FUCA2: variants seen among roughly 807,000 people sequenced by gnomAD.
The protein encoded by FUCA2 is alpha-L-fucosidase 2.
In FUCA2, 41 loss-of-function variants were observed where a neutral mutation model predicts 52.6. The ratio of observed to expected loss-of-function variants is 0.78; its 90% CI spans 0.61 to 1.01. The LOEUF (loss-of-function observed/expected upper bound fraction) is 1.01. FUCA2 is among the 50% of genes least tolerant of loss of function. FUCA2 has a pLI of 0.00. For missense variants in FUCA2, 507 were observed against 569.5 expected, an observed-to-expected ratio of 0.89 and a Z score of 1.12; for synonymous variants, 211 against 217.3, an observed-to-expected ratio of 0.97 and a Z score of 0.26.
Position 143,497,399 on chromosome 6 carries a change from C to G in FUCA2, c.1253G>C (p.Gly418Ala). Residue 418 changes from glycine (G) to alanine (A), a missense_variant, in exon 6 of 7, where the codon GGG becomes GCG. Coordinates refer to ENST00000002165, the MANE Select transcript of FUCA2 (RefSeq NM_032020.5). This position sits in a 1 kb window ranked among gnomAD's most constrained non-coding sequence, Gnocchi z 5.3. ...LFLGHPKAIL[G>A]ATEVKLLGHG... The stretch of plus-strand genomic sequence containing the variant: ...AAAATTCCCTCTTACCTCTGTTGCC[C>G]CCAGAATAGCTTTGGGATGGCCAAG... The G allele has an allele frequency of 6.2e-7, 1 of 1,609,068 alleles. No homozygotes were observed. The highest frequency in any genetic ancestry group is 8.5e-7 in the Non-Finnish European group (1 of 1,175,472).
intron 5 of FUCA2, among the ~76,000 whole-genome samples, chr6:143,498,019 C>T (rs1274463801): frequency 4.0e-5 from 6 of 151,838 alleles, no homozygotes; most frequent in African/African-American, 1.5e-4. Context: ...CTGATAAGCA[C>T]CATGAAAGAA....
rs1204927421 is a variant in FUCA2 at position 143,504,779 on chromosome 6, T to C, written c.413-527A>G. 1 of 152,722 alleles carries C rather than the reference T, an allele frequency of 6.5e-6. No homozygotes were observed. Among genetic ancestry groups the C allele is most frequent in the Non-Finnish European group, 1.5e-5 (1 of 68,412 alleles). The allele number at this position is 152,722 out of a possible 1,614,324, so 9.5% of individuals were successfully genotyped here. On this transcript the variant is annotated intron_variant, in intron 2 of 6. Coordinates refer to ENST00000002165, the MANE Select transcript of FUCA2 (RefSeq NM_032020.5). This position sits in a 1 kb window ranked among gnomAD's most constrained non-coding sequence, Gnocchi z 4.4. ...AGTTTTAGGATTGTTTATTTTATTA[T>C]AGTGTGATTCTTAGAACACTGGTGA...
At chr6:143,508,818 A>T (rs192621398) in intron 1 of FUCA2, among the ~76,000 whole-genome samples, 35 of 152,368 alleles carry the variant, frequency 2.3e-4, no homozygotes, top group Admixed American at 1.5e-3. Context: ...GTGAGATAAC[A>T]AGCCCCTATC....
Position 143,500,218 on chromosome 6 carries a change from C to T in FUCA2, c.1154+1714G>A, listed in dbSNP as rs1357715472. 3.9e-5 allele frequency among the ~76,000 whole-genome samples: 6 copies of T among 151,968 alleles called. No homozygotes were observed. Among genetic ancestry groups the T allele is most frequent in the African/African-American group, 1.5e-4 (6 of 41,350 alleles). On this transcript the variant is annotated intron_variant, in intron 5 of 6. Transcript: ENST00000002165. This position sits in a 1 kb window ranked among gnomAD's most constrained non-coding sequence, Gnocchi z 6.9. ...ATAGATTAGTTACAGTGATGGGCCA[C>T]AGAATCTGTCCCGGATAAGGAAAAA...
chr6:143,511,654 G>C lies in FUCA2; in HGVS notation c.-20C>G, dbSNP rs918482279. 2 of 1,487,246 alleles carry C rather than the reference G, an allele frequency of 1.3e-6. No homozygotes were observed. Among genetic ancestry groups the C allele is most frequent in the African/African-American group, 2.8e-5 (2 of 70,898 alleles). The allele number at this position is 1,487,246 out of a possible 1,614,324, so 92.1% of individuals were successfully genotyped here. A position where few individuals can be genotyped will look rare whatever the true frequency, so the allele number is the denominator to read the frequency against. On this transcript the variant is annotated 5_prime_UTR_variant, in exon 1 of 7. Transcript: ENST00000002165. The surrounding 1 kb of genome is among the most constrained non-coding windows in gnomAD (Gnocchi z 6.3). ...CCGCATGTCCCGGCGCAGGCCGGCT[G>C]TCCTCTCTGCAGGCTCCCGCGGCCT...
rs1334978143 is a variant in FUCA2 at position 143,502,325 on chromosome 6, T to C, written c.963+30A>G. The C allele has an allele frequency of 1.9e-6, 3 of 1,595,384 alleles. No individual in the cohort carries two copies. Among genetic ancestry groups the C allele is most frequent in the Non-Finnish European group, 2.6e-6 (3 of 1,165,460 alleles). On this transcript the variant is annotated intron_variant, in intron 4 of 6. Coordinates refer to ENST00000002165, the MANE Select transcript of FUCA2 (RefSeq NM_032020.5). The surrounding 1 kb of genome is among the most constrained non-coding windows in gnomAD (Gnocchi z 4.1). ...CATGACCACACTATTAAGAATATTA[T>C]GTTAATAGCCACCAGACATTTCACT...
Position 143,507,514 on chromosome 6 carries a change from C to A in FUCA2, c.225-90G>T, listed in dbSNP as rs887499631. The A allele has an allele frequency of 3.1e-5, 28 of 898,702 alleles. No homozygotes were observed. Among genetic ancestry groups the A allele is most frequent in the Non-Finnish European group, 4.3e-5 (26 of 604,496 alleles). 55.7% of individuals were successfully genotyped at this position (898,702 alleles called of 1,614,324 possible). A position where few individuals can be genotyped will look rare whatever the true frequency, so the allele number is the denominator to read the frequency against. On this transcript the variant is annotated intron_variant, in intron 1 of 6. Transcript: ENST00000002165. The surrounding 1 kb of genome is among the most constrained non-coding windows in gnomAD (Gnocchi z 4.5). ...AGCTCCCCTTACCATTTACCCCTCA[C>A]ACAGATAGGACCCAGATTCTCTTTC... is the stretch of plus-strand genomic sequence containing the variant.
chr6:143,495,804 A>C lies in FUCA2; in HGVS notation c.1307T>G (p.Leu436Trp). ...GHGQPLNWIS[L>W]EQNGIMVELP... The stretch of plus-strand genomic sequence containing the variant: ...TTCTACCATAATGCCATTTTGCTCC[A>C]AAGAAATCCAGTTAAGTGGCTGTCC... The change falls in exon 7 of 7, where the codon TTG becomes TGG. Residue 436 changes from leucine (L) to tryptophan (W), a missense_variant. Leu to Trp is a moderately conservative substitution (Grantham distance 61). Coordinates refer to ENST00000002165, the MANE Select transcript of FUCA2 (RefSeq NM_032020.5). The surrounding 1 kb of genome is among the most constrained non-coding windows in gnomAD (Gnocchi z 5.2). 2 of 1,614,148 alleles carry C rather than the reference A, an allele frequency of 1.2e-6. No individual in the cohort carries two copies. Among genetic ancestry groups the C allele is most frequent in the Non-Finnish European group, 1.7e-6 (2 of 1,179,988 alleles).
At position 143,502,340 on chromosome 6, in the gene FUCA2, G is replaced by A. The variant is rs1780540519; in HGVS notation, c.963+15C>T. Reference sequence around the variant, plus strand: ...AAGAATATTATGTTAATAGCCACCAGACATTTCACTGTACCTTCACCAATT... The same window carrying A: ...AAGAATATTATGTTAATAGCCACCAAACATTTCACTGTACCTTCACCAATT... On this transcript the variant is annotated intron_variant, in intron 4 of 6. Coordinates refer to ENST00000002165, the MANE Select transcript of FUCA2 (RefSeq NM_032020.5). This position sits in a 1 kb window ranked among gnomAD's most constrained non-coding sequence, Gnocchi z 4.1. 3.1e-6 allele frequency: 5 copies of A among 1,609,070 alleles called. No homozygotes were observed. Among genetic ancestry groups the A allele is most frequent in the Non-Finnish European group, 4.3e-6 (5 of 1,176,340 alleles).
In FUCA2 at chr6:143,502,022, T is replaced by A. The variant is rs1433254986; in HGVS notation, c.1064A>T (p.Gln355Leu). ...ISVVFEERLR[Q>L]MGSWLKVNGE... ...ATTGACTTTTAGCCAGGACCCCATT[T>A]GCCTCAGTCGCTCCTCAAAAACTAC... Residue 355 changes from glutamine (Q) to leucine (L), a missense_variant, in exon 5 of 7, where the codon CAA becomes CTA. Physicochemically the swap from Gln to Leu is moderately radical, Grantham distance 113. Transcript: ENST00000002165. This position sits in a 1 kb window ranked among gnomAD's most constrained non-coding sequence, Gnocchi z 4.1. 2 of 1,613,962 alleles carry A rather than the reference T, an allele frequency of 1.2e-6. No homozygotes were observed. Among genetic ancestry groups the A allele is most frequent in the Non-Finnish European group, 1.7e-6 (2 of 1,179,930 alleles).
rs904148717 is a variant in FUCA2, at chr6:143,503,071, C to A, written c.753-506G>T. 1 of 154,574 alleles carries A rather than the reference C, an allele frequency of 6.5e-6. No individual in the cohort carries two copies. The highest frequency in any genetic ancestry group is 1.4e-5 in the Non-Finnish European group (1 of 69,630). The allele number at this position is 154,574 out of a possible 1,614,324, so 9.6% of individuals were successfully genotyped here. ...TGACTGTTGATATCATGTGAAATATCCCCACAATATTGCTTATCATAGCAG... is the reference window on the plus strand; with the variant it reads ...TGACTGTTGATATCATGTGAAATATACCCACAATATTGCTTATCATAGCAG... On this transcript the variant is annotated intron_variant, in intron 3 of 6. Transcript: ENST00000002165. The surrounding 1 kb of genome is among the most constrained non-coding windows in gnomAD (Gnocchi z 4.8).
rs1048999727 is a variant in FUCA2, at chr6:143,507,829, C to T, written c.225-405G>A. ...GGACCACAGGCACGTGCCACCACAC[C>T]TGGCTATTTTTTTTTTCTTTGTAGA... On this transcript the variant is annotated intron_variant, in intron 1 of 6. Transcript: ENST00000002165. The surrounding 1 kb of genome is among the most constrained non-coding windows in gnomAD (Gnocchi z 4.5). Among the ~76,000 whole-genome samples the T allele has an allele frequency of 2.6e-5, 4 of 151,378 alleles. No homozygotes were observed. The highest frequency in any genetic ancestry group is 9.8e-5 in the African/African-American group (4 of 40,702).
At chr6:143,508,972 C>T (rs1214827376) in intron 1 of FUCA2, among the ~76,000 whole-genome samples, 3 of 152,204 alleles carry the variant, frequency 2.0e-5, no homozygotes, top group African/African-American at 7.2e-5. Context: ...ACACCACAGC[C>T]TTGAACTCCT....
At chr6:143,498,076 A>G (rs1389468352) in intron 5 of FUCA2, among the ~76,000 whole-genome samples, 1 of 152,184 alleles carries the variant, frequency 6.6e-6, no homozygotes, top group South Asian at 2.1e-4. Flanking sequence ...AGATTAGAAC[A>G]TCAGAAAGAA....
chr6:143,497,195 C>T lies in FUCA2; in HGVS notation c.1263+194G>A. 1 of 530,408 alleles carries T rather than the reference C, an allele frequency of 1.9e-6. No homozygotes were observed. Among genetic ancestry groups the T allele is most frequent in the Non-Finnish European group, 3.4e-6 (1 of 295,276 alleles). 32.9% of individuals were successfully genotyped at this position (530,408 alleles called of 1,614,324 possible). On this transcript the variant is annotated intron_variant, in intron 6 of 6. Coordinates refer to ENST00000002165, the MANE Select transcript of FUCA2 (RefSeq NM_032020.5). This position sits in a 1 kb window ranked among gnomAD's most constrained non-coding sequence, Gnocchi z 5.3. ...CAGGCTAGTCTCAAACTTCTGGCCT[C>T]AAGACATCCTCCTGCCTTAGCCTCC... is the stretch of plus-strand genomic sequence containing the variant.
intron 2 of FUCA2, chr6:143,506,850 A>G: frequency 5.0e-6 from 1 of 199,348 alleles, no homozygotes; most frequent in Non-Finnish European, 1.0e-5. Flanking sequence ...ATGCAAGACT[A>G]TAGCAGTATA....
rs1584032416 is a variant in FUCA2, at chr6:143,511,705, C to T, written c.-71G>A. The T allele has an allele frequency of 1.5e-6, 2 of 1,346,848 alleles. No individual in the cohort carries two copies. Among genetic ancestry groups the T allele is most frequent in the South Asian group, 3.1e-5 (2 of 64,464 alleles). The allele number at this position is 1,346,848 out of a possible 1,614,324, so 83.4% of individuals were successfully genotyped here. On this transcript the variant is annotated 5_prime_UTR_variant, in exon 1 of 7. Transcript: ENST00000002165. This position sits in a 1 kb window ranked among gnomAD's most constrained non-coding sequence, Gnocchi z 6.3. Reference sequence around the variant, plus strand: ...CGGGAGCGCTGTTCTTCCGTCTCTGCCGCTGAGTATGCCGCGCCGCGGTCA... The same window carrying T: ...CGGGAGCGCTGTTCTTCCGTCTCTGTCGCTGAGTATGCCGCGCCGCGGTCA...
rs1780659033 is a variant in FUCA2 at position 143,509,768 on chromosome 6, T to A, written c.224+1643A>T. 6.6e-6 allele frequency among the ~76,000 whole-genome samples: 1 copy of A among 152,252 alleles called. No homozygotes were observed. Among genetic ancestry groups the A allele is most frequent in the South Asian group, 2.1e-4 (1 of 4,834 alleles). On this transcript the variant is annotated intron_variant, in intron 1 of 6. Coordinates refer to ENST00000002165, the MANE Select transcript of FUCA2 (RefSeq NM_032020.5). The surrounding 1 kb of genome is among the most constrained non-coding windows in gnomAD (Gnocchi z 5.4). Reference sequence around the variant, plus strand: ...AATAAAGAGTCTCTGTTTTAGAAGGTGAATTATTTAAAATATGAATAATTC... The same window carrying A: ...AATAAAGAGTCTCTGTTTTAGAAGGAGAATTATTTAAAATATGAATAATTC...
rs1036047215 is a variant in FUCA2, at chr6:143,509,202, A to G, written c.225-1778T>C. Among the ~76,000 whole-genome samples the G allele has an allele frequency of 1.3e-5, 2 of 152,224 alleles. No individual in the cohort carries two copies. Among genetic ancestry groups the G allele is most frequent in the Non-Finnish European group, 2.9e-5 (2 of 68,048 alleles). On this transcript the variant is annotated intron_variant, in intron 1 of 6. Coordinates refer to ENST00000002165, the MANE Select transcript of FUCA2 (RefSeq NM_032020.5). This position sits in a 1 kb window ranked among gnomAD's most constrained non-coding sequence, Gnocchi z 5.4. ...AAAGAGGCATTTATGGTAAAGGTCT[A>G]TCATTTATATTTGGTTTTTAATAGA... is the stretch of plus-strand genomic sequence containing the variant.
Sources: gnomAD v4.1 joint callset for allele counts (sites outside exome capture counted in the v4.1 genomes callset) on GRCh38, gnomAD v4.1.1 for gene constraint, Gnocchi (gnomAD v3.1) non-coding constraint, MANE v1.5 for transcripts, NCBI Gene and HGNC (gene_info 2026-07-23, HGNC 2026-07-21) for gene names.